Variants in FGF1 observed in about 807,000 individuals in gnomAD.
FGF1 encodes the protein fibroblast growth factor 1.
A neutral mutation model predicts 13.4 loss-of-function variants in FGF1; 9 were observed. That is an observed-to-expected ratio of 0.67 (90% confidence interval 0.40 to 1.17). The LOEUF (loss-of-function observed/expected upper bound fraction) is 1.17. Ranked by LOEUF, FGF1 falls within the 50% of genes most tolerant of loss-of-function variation. The pLI is 0.01. For synonymous variants in FGF1, 93 were observed against 79.0 expected (o/e 1.18, Z -0.94); for missense variants, 156 against 192.7 (o/e 0.81, Z 1.13).
rs1754461930 is a variant in FGF1, at chr5:142,592,551, A to G, written c.*2739T>C. On this transcript the variant is annotated 3_prime_UTR_variant, in exon 4 of 4. Coordinates refer to ENST00000337706, the MANE Select transcript of FGF1 (RefSeq NM_000800.5). ...TCAGAGCTGGCCCGAAAATGAATCC[A>G]TATGAGAGTCACGTGACAGGAGCTG... The G allele has an allele frequency of 7.5e-6, 3 of 397,818 alleles. No homozygotes were observed. The highest frequency in any genetic ancestry group is 4.4e-5 in the Admixed American group (1 of 22,742). 24.6% of individuals were successfully genotyped at this position (397,818 alleles called of 1,614,324 possible).
intron 1 of FGF1, among the ~76,000 whole-genome samples, chr5:142,659,372 G>A (rs1289153847): frequency 7.2e-5 from 11 of 151,864 alleles, no homozygotes; most frequent in Admixed American, 7.2e-4. Context: ...GGGATTACAG[G>A]CACCCACCAC....
intron 1 of FGF1, among the ~76,000 whole-genome samples, chr5:142,633,363 G>C (rs987589236): frequency 3.3e-5 from 5 of 152,114 alleles, no homozygotes; most frequent in African/African-American, 1.2e-4. Context: ...CCTTTTACAG[G>C]CTTGAGTTCC....
At chr5:142,601,935 A>T (rs978594982) in intron 2 of FGF1, among the ~76,000 whole-genome samples, 9 of 152,318 alleles carry the variant, frequency 5.9e-5, no homozygotes, top group African/African-American at 2.2e-4. Flanking sequence ...TGGGAATTGG[A>T]ATTAATTCTA....
chr5:142,601,510 G>A (rs17223737), intron 2 of FGF1, among the ~76,000 whole-genome samples: 148 of 152,226 alleles, frequency 9.7e-4, no homozygotes, highest in African/African-American at 3.5e-3. Context: ...GAATGAAGCC[G>A]TTACCTGGAA....
chr5:142,684,121 T>C (rs569673403), intron 1 of FGF1, among the ~76,000 whole-genome samples: 1 of 152,362 alleles, frequency 6.6e-6, no homozygotes, highest in South Asian at 2.1e-4. Context: ...GGTCTGGATC[T>C]CTTTCCTGTA....
At chr5:142,620,833 T>G (rs1761434949) in intron 1 of FGF1, among the ~76,000 whole-genome samples, 1 of 152,230 alleles carries the variant, frequency 6.6e-6, no homozygotes. Context: ...AAATTGACCA[T>G]GTACCAGGTC....
At chr5:142,620,711 A>G (rs962027344) in intron 1 of FGF1, among the ~76,000 whole-genome samples, 1 of 152,236 alleles carries the variant, frequency 6.6e-6, no homozygotes, top group South Asian at 2.1e-4. Context: ...ATTAATATGT[A>G]GAAGATTGAA....
intron 2 of FGF1, among the ~76,000 whole-genome samples, chr5:142,691,146 C>A (rs917665838): frequency 6.6e-6 from 1 of 152,116 alleles, no homozygotes; most frequent in Non-Finnish European, 1.5e-5. Context: ...TTAGGCTGGG[C>A]GTGGTGGCTC....
intron 1 of FGF1, among the ~76,000 whole-genome samples, chr5:142,634,453 A>G (rs542712561): frequency 4.9e-4 from 74 of 152,358 alleles, no homozygotes; most frequent in African/African-American, 1.5e-3. Flanking sequence ...TCCAAACGGT[A>G]TCCTTGTATT....
upstream of FGF1, among the ~76,000 whole-genome samples, chr5:142,687,529 A>G (rs1316395589): frequency 2.0e-5 from 3 of 152,202 alleles, no homozygotes; most frequent in Non-Finnish European, 4.4e-5. Context: ...TACACCTGCA[A>G]AGGATACTGA....
chr5:142,627,863 G>T (rs1330798224), intron 1 of FGF1, among the ~76,000 whole-genome samples: 1 of 152,166 alleles, frequency 6.6e-6, no homozygotes, highest in African/African-American at 2.4e-5. Flanking sequence ...CCATGTACTT[G>T]CCAGCTCCCT....
chr5:142,693,738 C>T (rs1051427170), intron 2 of FGF1, among the ~76,000 whole-genome samples: 2 of 152,166 alleles, frequency 1.3e-5, no homozygotes, highest in African/African-American at 4.8e-5. Context: ...CTTTCTGTCT[C>T]TATAGATTTT....
chr5:142,647,213 A>T (rs1022835352), intron 1 of FGF1, among the ~76,000 whole-genome samples: 1 of 152,188 alleles, frequency 6.6e-6, no homozygotes, highest in African/African-American at 2.4e-5. Context: ...GCAGAGCATA[A>T]ATTTGTGAAG....
chr5:142,645,940 G>C (rs951087067), intron 1 of FGF1, among the ~76,000 whole-genome samples: 3 of 152,064 alleles, frequency 2.0e-5, no homozygotes, highest in Non-Finnish European at 2.9e-5. Flanking sequence ...ACGGAGTCTT[G>C]CTTTGTCGCC....
At chr5:142,646,683 G>A (rs572454206) in intron 1 of FGF1, among the ~76,000 whole-genome samples, 94 of 152,156 alleles carry the variant, frequency 6.2e-4, no homozygotes, top group Admixed American at 2.5e-3. Context: ...TAGTAGAGAC[G>A]AGGTTTCACC....
Position 142,593,215 on chromosome 5 carries a change from A to C in FGF1, c.*2075T>G, listed in dbSNP as rs567020408. 6.6e-6 allele frequency: 1 copy of C among 152,332 alleles called. No individual in the cohort carries two copies. Among genetic ancestry groups the C allele is most frequent in the Admixed American group, 6.5e-5 (1 of 15,294 alleles). The allele number at this position is 152,332 out of a possible 1,614,324, so 9.4% of individuals were successfully genotyped here. On this transcript the variant is annotated 3_prime_UTR_variant, in exon 4 of 4. Transcript: ENST00000337706. Reference sequence around the variant, plus strand: ...AAGTATGGACCATTATAATTATCTTAGATTTCCTCTCTGGGTATCTTTTTC... The same window carrying C: ...AAGTATGGACCATTATAATTATCTTCGATTTCCTCTCTGGGTATCTTTTTC...
At chr5:142,632,072 C>T (rs1436153265) in intron 1 of FGF1, among the ~76,000 whole-genome samples, 2 of 152,308 alleles carry the variant, frequency 1.3e-5, no homozygotes, top group East Asian at 1.9e-4. Flanking sequence ...CGAGCCACCA[C>T]GCCCGGCCTA....
chr5:142,650,167 A>C (rs1242703222), intron 1 of FGF1, among the ~76,000 whole-genome samples: 1 of 152,150 alleles, frequency 6.6e-6, no homozygotes, highest in Admixed American at 6.5e-5. Flanking sequence ...GGAGAAGGGG[A>C]AAGTGGAGTA....
intron 1 of FGF1, among the ~76,000 whole-genome samples, chr5:142,645,253 A>G (rs1169465929): frequency 1.3e-5 from 2 of 152,236 alleles, no homozygotes; most frequent in East Asian, 3.8e-4. Context: ...CTCCACTCTG[A>G]GCACTCACAG....
Sources: allele counts gnomAD v4.1 joint callset (sites outside exome capture counted in the v4.1 genomes callset), GRCh38; gene constraint gnomAD v4.1.1; transcripts MANE v1.5; gene names NCBI Gene and HGNC (gene_info 2026-07-23, HGNC 2026-07-21).